Variants in PRH1 observed in about 807,000 individuals in gnomAD.
PRH1 encodes salivary acidic proline-rich phosphoprotein 1/2.
Under a neutral mutation model 7.9 loss-of-function variants are expected in PRH1, and 7 were observed. The observed-to-expected ratio is 0.89, with a 90% CI of 0.50 to 1.67. The LOEUF (loss-of-function observed/expected upper bound fraction) is 1.67. PRH1 is among the 40% of genes most tolerant of loss of function. The probability of loss-of-function intolerance (pLI) is 0.00; values close to 1 mark genes in which losing one functional copy is unlikely to be tolerated. For synonymous variants in PRH1, 45 were observed against 80.8 expected, an observed-to-expected ratio of 0.56 and a Z score of 2.38; for missense variants, 109 against 223.6, an observed-to-expected ratio of 0.49 and a Z score of 3.27.
At chr12:10,979,207 A>G (rs1347328047) in intron 1 of PRH1, among the ~76,000 whole-genome samples, 1 of 152,332 alleles carries the variant, frequency 6.6e-6, no homozygotes, top group East Asian at 1.9e-4. Context: ...CATGCCATGC[A>G]ATTTACTTAT....
At chr12:11,128,918 A>C (rs67961444) in intron 1 of PRH1, among the ~76,000 whole-genome samples, 42,977 of 144,838 alleles carry the variant, frequency 0.3, 7,657 homozygotes, top group East Asian at 0.74. Flanking sequence ...ACCAGTGAGA[A>C]CTTCCACCTT....
intron 1 of PRH1, among the ~76,000 whole-genome samples, chr12:11,023,023 T>C (rs375550988): frequency 6.6e-6 from 1 of 152,194 alleles, no homozygotes; most frequent in East Asian, 1.9e-4. Flanking sequence ...ATATAGTAAA[T>C]GTCTAAATTG....
chr12:10,923,922 ACT>A (rs1329510417), intron 2 of PRH1, among the ~76,000 whole-genome samples: 4 of 148,668 alleles, frequency 2.7e-5, no homozygotes, highest in Non-Finnish European at 4.4e-5. Context: ...GCTAGTTATC[ACT>A]CTCTTTTCAC....
At chr12:10,991,589 T>A (rs1353462844) in intron 1 of PRH1, among the ~76,000 whole-genome samples, 2 of 152,208 alleles carry the variant, frequency 1.3e-5, no homozygotes, top group East Asian at 3.8e-4. Context: ...TAACTATATG[T>A]ATATAAATAA....
rs558939586 is a variant in PRH1 at position 10,997,132 on chromosome 12, C to G, written c.-125-23411G>C. The G allele has an allele frequency of 6.8e-6, 11 of 1,614,020 alleles. No individual in the cohort carries two copies. The East Asian group carries it at 2.0e-4, about 29-fold the overall frequency. On this transcript the variant is annotated intron_variant, in intron 1 of 3. Coordinates refer to the PRH1 transcript ENST00000539853. ...TTGGTCGCATCTTAAAATTCCAAAA[C>G]GATATGATTAGACACAGAAAGTAAA...
At chr12:10,994,078 TG>T (rs1282150073) in intron 1 of PRH1, among the ~76,000 whole-genome samples, 1 of 152,190 alleles carries the variant, frequency 6.6e-6, no homozygotes, top group African/African-American at 2.4e-5. Flanking sequence ...TTGGAGGGCA[TG>T]AGCACATCTG....
At chr12:10,997,526 A>G (rs1301549797) in intron 1 of PRH1, 2 of 1,613,896 alleles carry the variant, frequency 1.2e-6, no homozygotes, top group African/African-American at 2.7e-5. Flanking sequence ...GTGATGAAAA[A>G]TAAGTCTGGA....
intron 2 of PRH1, among the ~76,000 whole-genome samples, chr12:10,909,808 C>T (rs1949868522): frequency 6.6e-6 from 1 of 152,100 alleles, no homozygotes; most frequent in Non-Finnish European, 1.5e-5. Flanking sequence ...AAAGACTTAC[C>T]TATGCTATTT....
At chr12:10,992,917 G>A (rs573003827) in intron 1 of PRH1, among the ~76,000 whole-genome samples, 15 of 152,242 alleles carry the variant, frequency 9.9e-5, no homozygotes, top group African/African-American at 2.4e-4. Context: ...AAGAGTCCTC[G>A]GTAATTCTCC....
At chr12:11,153,984 T>A (rs1028487621) in intron 1 of PRH1, among the ~76,000 whole-genome samples, 1 of 152,210 alleles carries the variant, frequency 6.6e-6, no homozygotes, top group Non-Finnish European at 1.5e-5. Flanking sequence ...AATAGTGGAA[T>A]GTTTTTTCTA....
At chr12:10,908,737 G>A (rs753408054) in intron 2 of PRH1, 1 of 1,613,874 alleles carries the variant, frequency 6.2e-7, no homozygotes, top group South Asian at 1.1e-5. Context: ...AATGGTGTTA[G>A]ACTGAACATA....
intron 1 of PRH1, among the ~76,000 whole-genome samples, chr12:11,039,597 T>C (rs1178069030): frequency 6.6e-6 from 1 of 152,220 alleles, no homozygotes; most frequent in Non-Finnish European, 1.5e-5. Flanking sequence ...GACACATTGG[T>C]TTTATTACCT....
intron 1 of PRH1, chr12:10,986,172 G>A: frequency 2.5e-6 from 4 of 1,614,094 alleles, no homozygotes; most frequent in Non-Finnish European, 3.4e-6. Flanking sequence ...GGAGATCAGA[G>A]TTTGCAAAGC....
intron 1 of PRH1, among the ~76,000 whole-genome samples, chr12:11,004,882 AAT>A (rs569314567): frequency 6.6e-6 from 1 of 152,292 alleles, no homozygotes; most frequent in African/African-American, 2.4e-5. Context: ...AAAATATAAA[AAT>A]AGTCTATAAG....
At chr12:10,961,578 CTG>C (rs1491450078) in intron 2 of PRH1, among the ~76,000 whole-genome samples, 1 of 152,108 alleles carries the variant, frequency 6.6e-6, no homozygotes, top group East Asian at 1.9e-4. Flanking sequence ...ATTCCCTTAA[CTG>C]TCACTTATTC....
At chr12:10,900,031 C>T (rs1949702226) in intron 2 of PRH1, among the ~76,000 whole-genome samples, 1 of 152,148 alleles carries the variant, frequency 6.6e-6, no homozygotes. Context: ...AACAAAGTCT[C>T]ATAAAGGTTA....
chr12:10,919,743 A>T (rs1392251783), intron 2 of PRH1, among the ~76,000 whole-genome samples: 1 of 151,972 alleles, frequency 6.6e-6, no homozygotes, highest in Non-Finnish European at 1.5e-5. Context: ...AAGAATAAAC[A>T]ATCTGGTCTC....
At chr12:10,967,411 A>T (rs1565507148) in intron 2 of PRH1, among the ~76,000 whole-genome samples, 2 of 152,218 alleles carry the variant, frequency 1.3e-5, no homozygotes, top group Admixed American at 6.5e-5. Context: ...TATTATAAAC[A>T]CTCATGTAAC....
chr12:11,080,118 T>C (rs1247282977), intron 1 of PRH1, among the ~76,000 whole-genome samples: 3 of 128,050 alleles, frequency 2.3e-5, no homozygotes, highest in Non-Finnish European at 5.4e-5. Flanking sequence ...ATAAGCAACA[T>C]CCATAATTTA....
Sources: allele counts gnomAD v4.1 joint callset (sites outside exome capture counted in the v4.1 genomes callset), GRCh38; gene constraint gnomAD v4.1.1; transcripts MANE v1.5; gene names NCBI Gene and HGNC (gene_info 2026-07-23, HGNC 2026-07-21).